SDHB: variants seen among roughly 807,000 people sequenced by gnomAD.
SDHB encodes succinate dehydrogenase [ubiquinone] iron-sulfur subunit, mitochondrial.
A neutral mutation model predicts 39.7 loss-of-function variants in SDHB; 21 were observed. The observed-to-expected ratio is 0.53, with a 90% CI of 0.37 to 0.76. The LOEUF (loss-of-function observed/expected upper bound fraction) is 0.76. Among genes scored for constraint, SDHB ranks in the 30% least tolerant of loss-of-function variants. The pLI is 0.00. For missense variants in SDHB, 343 were observed against 350.9 expected (o/e 0.98, Z 0.18); for synonymous variants, 118 against 117.0 (o/e 1.01, Z -0.06).
At chr1:17,032,872 G>A in intron 3 of SDHB, 188 bp downstream of exon 3, 1 of 653,376 alleles carries the variant, frequency 1.5e-6, no homozygotes, top group Non-Finnish European at 2.8e-6. Flanking sequence ...AGTAAACTCA[G>A]AAACCAGAAC....
intron 2 of SDHB, among the ~76,000 whole-genome samples, chr1:17,043,462 C>T (rs1051378244): frequency 3.3e-5 from 5 of 152,166 alleles, no homozygotes; most frequent in African/African-American, 9.7e-5. Context: ...TCAAAGTAAG[C>T]ATTTAGAGTA....
At chr1:17,035,413 T>C (rs879750576) in intron 2 of SDHB, among the ~76,000 whole-genome samples, 3 of 152,224 alleles carry the variant, frequency 2.0e-5, no homozygotes, top group Non-Finnish European at 4.4e-5. Flanking sequence ...CCATATTTAA[T>C]ACTGGGAACT....
chr1:17,046,334 C>T (rs2078110171), intron 1 of SDHB, among the ~76,000 whole-genome samples: 1 of 148,794 alleles, frequency 6.7e-6, no homozygotes, highest in South Asian at 2.2e-4. Flanking sequence ...CTCCAGTGGA[C>T]TTTGCTTGCT....
chr1:17,052,966 A>C (rs758860782), intron 1 of SDHB, among the ~76,000 whole-genome samples: 5 of 152,092 alleles, frequency 3.3e-5, no homozygotes, highest in African/African-American at 2.4e-5. Context: ...GCAAGCCAAA[A>C]ATTTTCTTTC....
At chr1:17,045,907 C>T (rs1339738637) in intron 1 of SDHB, among the ~76,000 whole-genome samples, 2 of 152,172 alleles carry the variant, frequency 1.3e-5, no homozygotes, top group Non-Finnish European at 2.9e-5. Flanking sequence ...TGCTCAATCC[C>T]ACTCCTACTC....
rs33927012 is a variant in SDHB, at chr1:17,027,802, A to G, written c.487T>C (p.Ser163Pro). 21,159 of 1,613,448 alleles carry G rather than the reference A, an allele frequency of 0.013. 207 individuals are homozygous for G. The highest frequency in any genetic ancestry group is 0.018 in the South Asian group (1,598 of 91,072). The change falls in exon 5 of 8, where the codon TCT (serine) becomes CCT (proline). Residue 163 changes from serine to proline, a missense_variant. By Grantham distance (74) the Ser-to-Pro change is moderately conservative. Transcript: ENST00000375499. ...AGATACTGCTGCTTGCCTTCCTGAG[A>G]TTCATCCTTCTTCTTCAAATAAGGC... is the stretch of plus-strand genomic sequence containing the variant. ...IEPYLKKKDE[S>P]QEGKQQYLQS...
At chr1:17,053,501 C>T (rs2078160019) in intron 1 of SDHB, among the ~76,000 whole-genome samples, 1 of 152,150 alleles carries the variant, frequency 6.6e-6, no homozygotes, top group Non-Finnish European at 1.5e-5. Flanking sequence ...CATCCCGGTC[C>T]TCAACCTCGC....
intron 5 of SDHB, 55 bp from the exon 6 acceptor site, chr1:17,024,129 T>C (rs2077979319): frequency 2.4e-6 from 3 of 1,224,912 alleles, no homozygotes; most frequent in Non-Finnish European, 3.6e-6. Flanking sequence ...CTCTGCTATG[T>C]CTTCAGCTGA....
chr1:17,051,548 G>A (rs1005290954), intron 1 of SDHB, among the ~76,000 whole-genome samples: 7 of 152,208 alleles, frequency 4.6e-5, no homozygotes, highest in African/African-American at 1.4e-4. Context: ...GTGCAGGCTT[G>A]CTGAAAAGTG....
chr1:17,020,735 T>C (rs975396454), intron 7 of SDHB, among the ~76,000 whole-genome samples: 3 of 152,204 alleles, frequency 2.0e-5, no homozygotes, highest in Non-Finnish European at 4.4e-5. Flanking sequence ...AGCACTTTTA[T>C]AGCATAACTT....
At chr1:17,023,256 G>C (rs2077972758) in intron 6 of SDHB, 2 of 228,086 alleles carry the variant, frequency 8.8e-6, no homozygotes, top group South Asian at 1.3e-4. Flanking sequence ...GCCTGCTCTA[G>C]CAGTGTTACT....
intron 2 of SDHB, among the ~76,000 whole-genome samples, chr1:17,037,034 G>T (rs1401206413): frequency 6.6e-6 from 1 of 151,926 alleles, no homozygotes; most frequent in Non-Finnish European, 1.5e-5. Flanking sequence ...TTGTGAAAAT[G>T]AAAGAATATA....
At chr1:17,032,886 C>A in intron 3 of SDHB, 174 bp downstream of exon 3, 1 of 673,574 alleles carries the variant, frequency 1.5e-6, no homozygotes, top group Non-Finnish European at 2.7e-6. Context: ...CCAGAACTTG[C>A]ACCATGGTTA....
At chr1:17,051,904 C>T (rs1357588542) in intron 1 of SDHB, among the ~76,000 whole-genome samples, 2 of 150,574 alleles carry the variant, frequency 1.3e-5, no homozygotes, top group Non-Finnish European at 2.9e-5. Context: ...TGCAATGGTG[C>T]GATTTCAGCT....
intron 2 of SDHB, among the ~76,000 whole-genome samples, chr1:17,038,566 T>A (rs1349011867): frequency 6.6e-6 from 1 of 152,232 alleles, no homozygotes; most frequent in African/African-American, 2.4e-5. Flanking sequence ...TTTACTTGCC[T>A]TTCATGGACT....
intron 1 of SDHB, among the ~76,000 whole-genome samples, chr1:17,050,427 T>C (rs2078139473): frequency 6.6e-6 from 1 of 152,082 alleles, no homozygotes; most frequent in Non-Finnish European, 1.5e-5. Context: ...GGCAGGTGGA[T>C]TACCTGAGGT....
At position 17,049,647 on chromosome 1, in the gene SDHB, CTTTTTTTTTTTTT is replaced by C. The variant is rs397835910; in HGVS notation, c.72+4288_72+4300del. On this transcript the variant is annotated intron_variant, in intron 1 of 7. Transcript: ENST00000375499. ...GGGACTGGAGCATAATCCCCTAGTT[CTTTTTTTTTTTTT>C]TTTTTTTTTTTTTTTTTGTGAGACA... is the stretch of plus-strand genomic sequence containing the variant. Among the ~76,000 whole-genome samples, 178 of 52,074 alleles carry C rather than the reference CTTTTTTTTTTTTT, an allele frequency of 3.4e-3. 2 individuals are homozygous for C. Among genetic ancestry groups the C allele is most frequent in the African/African-American group, 0.016 (158 of 10,184 alleles). The allele number at this position is 52,074 out of a possible 152,430, so 34.2% of individuals were successfully genotyped here.
intron 1 of SDHB, chr1:17,052,567 T>C (rs540544008): frequency 1.9e-4 from 29 of 152,380 alleles, no homozygotes; most frequent in African/African-American, 6.7e-4. Flanking sequence ...ACAATTTAAT[T>C]GTTTGCTCAG....
At chr1:17,034,429 G>A (rs1042599892) in intron 2 of SDHB, among the ~76,000 whole-genome samples, 1 of 152,134 alleles carries the variant, frequency 6.6e-6, no homozygotes, top group African/African-American at 2.4e-5. Flanking sequence ...GATTATGGGT[G>A]TGAGGCAATG....
Sources: gnomAD v4.1 joint callset for allele counts (sites outside exome capture counted in the v4.1 genomes callset) on GRCh38, gnomAD v4.1.1 for gene constraint, MANE v1.5 for transcripts, NCBI Gene and HGNC (gene_info 2026-07-23, HGNC 2026-07-21) for gene names.